The following ALK variants were observed in gnomAD, a reference collection of about 807,000 sequenced individuals.
The protein encoded by ALK is ALK receptor tyrosine kinase.
In ALK, 74 loss-of-function variants were observed where a neutral mutation model predicts 163.1. That is an observed-to-expected ratio of 0.45 (90% CI 0.38 to 0.55). The LOEUF (loss-of-function observed/expected upper bound fraction) is 0.55, where lower values mean the gene tolerates loss of function less well. Among genes scored for constraint, ALK ranks in the 20% least tolerant of loss-of-function variants. The probability of loss-of-function intolerance (pLI) is 0.00; values close to 1 mark genes in which losing one functional copy is unlikely to be tolerated. For missense variants in ALK, 2,063 were observed against 2,105.3 expected (o/e 0.98, Z 0.39); for synonymous variants, 960 against 843.2 (o/e 1.14, Z -2.40).
At chr2:29,370,468 G>A (rs1668612498) in intron 5 of ALK, among the ~76,000 whole-genome samples, 2 of 152,196 alleles carry the variant, frequency 1.3e-5, no homozygotes, top group African/African-American at 2.4e-5. Context: ...GCCCGTCCCT[G>A]TAGCAAGGAG....
chr2:29,413,541 T>G (rs1456826815), intron 4 of ALK, among the ~76,000 whole-genome samples: 2 of 152,136 alleles, frequency 1.3e-5, no homozygotes, highest in East Asian at 3.9e-4. Flanking sequence ...TTTATTTATT[T>G]ATTTTTTTAA....
chr2:29,642,641 C>G (rs1391923519), intron 3 of ALK, among the ~76,000 whole-genome samples: 1 of 152,142 alleles, frequency 6.6e-6, no homozygotes, highest in Admixed American at 6.5e-5. Flanking sequence ...GGGTCCTTCT[C>G]ATCCTGAGCT....
chr2:29,414,576 C>A (rs994030494), intron 4 of ALK, among the ~76,000 whole-genome samples: 2 of 152,196 alleles, frequency 1.3e-5, no homozygotes, highest in East Asian at 3.9e-4. Context: ...CCCTTGCTCC[C>A]AGCCCATTCC....
intron 3 of ALK, among the ~76,000 whole-genome samples, chr2:29,566,010 C>T (rs1293947529): frequency 6.6e-6 from 1 of 152,138 alleles, no homozygotes; most frequent in Non-Finnish European, 1.5e-5. Flanking sequence ...GTGTGTCAAG[C>T]TGTGGAAGGT....
intron 5 of ALK, among the ~76,000 whole-genome samples, chr2:29,368,753 T>G (rs951743746): frequency 1.8e-4 from 27 of 152,190 alleles, no homozygotes; most frequent in African/African-American, 6.5e-4. Flanking sequence ...GTCTTCCTCC[T>G]CCTTTTTCTG....
chr2:29,598,181 C>G (rs1573488438), intron 3 of ALK, among the ~76,000 whole-genome samples: 2 of 152,168 alleles, frequency 1.3e-5, no homozygotes, highest in East Asian at 3.9e-4. Context: ...TGTGCGCCAC[C>G]ACGCCAGCTA....
intron 1 of ALK, among the ~76,000 whole-genome samples, chr2:29,864,203 G>C (rs6727501): frequency 0.79 from 120,346 of 152,058 alleles, 47,850 homozygotes; most frequent in Non-Finnish European, 0.83. Context: ...CCCTGGCTAC[G>C]TACACATACC....
intron 5 of ALK, among the ~76,000 whole-genome samples, chr2:29,339,387 A>G (rs1667724491): frequency 6.6e-6 from 1 of 152,208 alleles, no homozygotes; most frequent in African/African-American, 2.4e-5. Context: ...CCTGATCTAG[A>G]AGCAGAGCTG....
chr2:29,393,590 T>G (rs775925963), intron 4 of ALK, among the ~76,000 whole-genome samples: 1 of 152,204 alleles, frequency 6.6e-6, no homozygotes, highest in Admixed American at 6.5e-5. Flanking sequence ...AATGGCTCAC[T>G]CTTCATCAAA....
intron 4 of ALK, among the ~76,000 whole-genome samples, chr2:29,411,861 C>G (rs1669732531): frequency 6.6e-6 from 1 of 152,214 alleles, no homozygotes; most frequent in Non-Finnish European, 1.5e-5. Flanking sequence ...TTGCAACCTC[C>G]TCATCCTTGG....
intron 1 of ALK, among the ~76,000 whole-genome samples, chr2:29,773,529 G>C (rs1379228408): frequency 6.6e-6 from 1 of 152,172 alleles, no homozygotes; most frequent in Non-Finnish European, 1.5e-5. Flanking sequence ...CAAGGACACT[G>C]GCACTGATGA....
At chr2:29,692,677 T>C (rs1191346350) in intron 3 of ALK, among the ~76,000 whole-genome samples, 1 of 152,176 alleles carries the variant, frequency 6.6e-6, no homozygotes, top group Admixed American at 6.6e-5. Context: ...GCTACTCACC[T>C]CCAGCTATGC....
At chr2:29,801,428 G>A (rs796732563) in intron 1 of ALK, among the ~76,000 whole-genome samples, 3 of 152,120 alleles carry the variant, frequency 2.0e-5, no homozygotes, top group African/African-American at 7.2e-5. Flanking sequence ...TACCTATACT[G>A]AGCAACACCT....
At chr2:29,295,712 T>C (rs567025572) in intron 9 of ALK, among the ~76,000 whole-genome samples, 107 of 152,344 alleles carry the variant, frequency 7.0e-4, no homozygotes, top group Non-Finnish European at 1.1e-3. Flanking sequence ...TAAAGCTGCA[T>C]GCCAACTAGC....
intron 26 of ALK, among the ~76,000 whole-genome samples, chr2:29,203,904 C>T (rs12998674): frequency 0.02 from 2,982 of 152,056 alleles, 57 homozygotes; most frequent in Non-Finnish European, 0.028. Context: ...CTCTTCATTT[C>T]CTCTGTTCCT....
At chr2:29,577,221 GTTTGGGTTC>G (rs1238483568) in intron 3 of ALK, among the ~76,000 whole-genome samples, 1 of 152,150 alleles carries the variant, frequency 6.6e-6, no homozygotes, top group African/African-American at 2.4e-5. Flanking sequence ...ACTCTGGGGT[GTTTGGGTTC>G]AGATCTTTGG....
chr2:29,827,950 T>A (rs932580065), intron 1 of ALK, among the ~76,000 whole-genome samples: 14 of 152,202 alleles, frequency 9.2e-5, no homozygotes, highest in African/African-American at 3.4e-4. Context: ...AACAGCACGG[T>A]ACTGGTACCA....
At chr2:29,581,367 G>C (rs552024949) in intron 3 of ALK, among the ~76,000 whole-genome samples, 1 of 152,204 alleles carries the variant, frequency 6.6e-6, no homozygotes, top group Non-Finnish European at 1.5e-5. Context: ...CAGCCTGGGC[G>C]ACAGAGTGAG....
intron 1 of ALK, among the ~76,000 whole-genome samples, chr2:29,882,522 C>T (rs539097850): frequency 4.6e-5 from 7 of 152,196 alleles, no homozygotes; most frequent in South Asian, 2.1e-4. Flanking sequence ...GGTGAAACCC[C>T]GTCTCTAATA....
Sources: gnomAD v4.1 joint callset for allele counts (sites outside exome capture counted in the v4.1 genomes callset) on GRCh38, gnomAD v4.1.1 for gene constraint, MANE v1.5 for transcripts, NCBI Gene and HGNC (gene_info 2026-07-23, HGNC 2026-07-21) for gene names.